Variants in ODAD2 observed in about 807,000 individuals in gnomAD.
The protein encoded by ODAD2 is outer dynein arm docking complex subunit 2.
In ODAD2, 89 loss-of-function variants were observed where a neutral mutation model predicts 106.8. The ratio of observed to expected loss-of-function variants is 0.83; its 90% CI spans 0.70 to 0.99. The LOEUF is 0.99. Ranked by LOEUF, ODAD2 falls within the 50% of genes least tolerant of loss-of-function variation. ODAD2 has a pLI of 0.00. For missense variants in ODAD2, 1,168 were observed against 1,238.5 expected, an observed-to-expected ratio of 0.94 and a Z score of 0.85; for synonymous variants, 404 against 436.2, an observed-to-expected ratio of 0.93 and a Z score of 0.92.
chr10:27,888,371 G>A (rs73604095), intron 17 of ODAD2, among the ~76,000 whole-genome samples: 2,133 of 152,206 alleles, frequency 0.014, 43 homozygotes, highest in African/African-American at 0.05. Context: ...CCTGAATGGA[G>A]TAAGATGATA....
chr10:27,839,709 C>G (rs1348658286), intron 19 of ODAD2, among the ~76,000 whole-genome samples: 1 of 152,192 alleles, frequency 6.6e-6, no homozygotes, highest in Non-Finnish European at 1.5e-5. Context: ...ACAGATATAA[C>G]ATATAAAGAT....
intron 19 of ODAD2, among the ~76,000 whole-genome samples, chr10:27,817,517 G>A (rs1313729389): frequency 2.0e-5 from 3 of 151,976 alleles, no homozygotes; most frequent in Non-Finnish European, 4.4e-5. Context: ...CCCATCTTTT[G>A]GGGTCTCCAA....
At chr10:27,979,434 A>C (rs1849403557) in intron 7 of ODAD2, among the ~76,000 whole-genome samples, 1 of 133,730 alleles carries the variant, frequency 7.5e-6, no homozygotes, top group African/African-American at 3.0e-5. Flanking sequence ...AAGAATACAC[A>C]CACACACCCA....
At chr10:27,949,691 C>T (rs767014342) in intron 10 of ODAD2, among the ~76,000 whole-genome samples, 4 of 152,048 alleles carry the variant, frequency 2.6e-5, no homozygotes, top group Non-Finnish European at 4.4e-5. Flanking sequence ...TCAAGATTGG[C>T]CAATGTAATT....
intron 17 of ODAD2, among the ~76,000 whole-genome samples, chr10:27,899,851 C>T (rs1843081097): frequency 6.6e-6 from 1 of 152,176 alleles, no homozygotes; most frequent in Non-Finnish European, 1.5e-5. Flanking sequence ...CTCCCTGGGA[C>T]AGAACACCTG....
intron 7 of ODAD2, among the ~76,000 whole-genome samples, chr10:27,979,942 AC>A (rs1176292970): frequency 6.6e-6 from 1 of 152,218 alleles, no homozygotes; most frequent in Non-Finnish European, 1.5e-5. Context: ...TGGAGGACTC[AC>A]ACTTCCTTAT....
Position 27,996,494 on chromosome 10 carries a change from G to A in ODAD2, c.-38-1314C>T, listed in dbSNP as rs560672904. 2.1e-3 allele frequency among the ~76,000 whole-genome samples: 322 copies of A among 152,256 alleles called. 2 individuals are homozygous for A. Among genetic ancestry groups the A allele is most frequent in the African/African-American group, 7.4e-3 (309 of 41,554 alleles). ...GCCTTTAGTGTTGAGGACCGACAATGTAAAATATCCTGTGCAGGATAGTAC... is the reference window on the plus strand; with the variant it reads ...GCCTTTAGTGTTGAGGACCGACAATATAAAATATCCTGTGCAGGATAGTAC... On this transcript the variant is annotated intron_variant, in intron 1 of 19. Transcript: ENST00000305242.
At chr10:27,949,820 A>T (rs1847202364) in intron 10 of ODAD2, among the ~76,000 whole-genome samples, 1 of 152,186 alleles carries the variant, frequency 6.6e-6, no homozygotes, top group Non-Finnish European at 1.5e-5. Flanking sequence ...AGTAACTTGG[A>T]GTAGGAGGGG....
intron 17 of ODAD2, among the ~76,000 whole-genome samples, chr10:27,867,960 A>T (rs1216892774): frequency 6.6e-6 from 1 of 152,094 alleles, no homozygotes; most frequent in Non-Finnish European, 1.5e-5. Context: ...AAAAGAAAAA[A>T]AAAAAGCAGT....
At chr10:27,994,772 C>T (rs1266916310) in intron 2 of ODAD2, 147 bp downstream of exon 2, 2 of 802,990 alleles carry the variant, frequency 2.5e-6, no homozygotes, top group East Asian at 5.4e-5. Context: ...CCTCAGACTT[C>T]ACCTGTGTGT....
intron 19 of ODAD2, among the ~76,000 whole-genome samples, chr10:27,834,244 T>A (rs1185439407): frequency 6.6e-6 from 1 of 152,158 alleles, no homozygotes; most frequent in Non-Finnish European, 1.5e-5. Flanking sequence ...GGCGTAACAT[T>A]ATACGTGCAT....
intron 3 of ODAD2, among the ~76,000 whole-genome samples, chr10:27,985,593 G>C (rs140055061): frequency 7.1e-4 from 108 of 152,212 alleles, no homozygotes; most frequent in Non-Finnish European, 1.2e-3. Context: ...ATCATCACTA[G>C]AACTATATGT....
At chr10:27,910,085 C>T (rs1843892738) in intron 16 of ODAD2, among the ~76,000 whole-genome samples, 1 of 151,812 alleles carries the variant, frequency 6.6e-6, no homozygotes, top group Admixed American at 6.6e-5. Context: ...CATTTCATAT[C>T]AGGATCGTTG....
At chr10:27,844,233 T>A (rs1212331423) in intron 19 of ODAD2, among the ~76,000 whole-genome samples, 1 of 152,140 alleles carries the variant, frequency 6.6e-6, no homozygotes, top group East Asian at 1.9e-4. Context: ...ATTAAGAATA[T>A]ATACCAGCTG....
chr10:27,929,916 T>G (rs562139134), intron 16 of ODAD2, among the ~76,000 whole-genome samples: 10 of 152,148 alleles, frequency 6.6e-5, no homozygotes, highest in Non-Finnish European at 1.5e-4. Flanking sequence ...TGGGGTCTTT[T>G]TGAGATAAAG....
chr10:27,873,780 G>A (rs1841097172), intron 17 of ODAD2, among the ~76,000 whole-genome samples: 1 of 152,172 alleles, frequency 6.6e-6, no homozygotes. Flanking sequence ...TTCCAACTAT[G>A]TGGTCAATTT....
chr10:27,971,174 C>A lies in ODAD2; in HGVS notation c.1076G>T (p.Trp359Leu). ...CCATCTCTTGGTCATTTGATTCCTC[C>A]AAAAATTAATTTGGTTCTTCTCCAG... ...RSLEKNQINF[W>L]RNQMTKRWEP... The change falls in exon 8 of 20, where the codon TGG (tryptophan) becomes TTG (leucine). Residue 359 changes from tryptophan (W) to leucine (L), a missense_variant. This residue lies in a region of ODAD2 where 430 missense variants were observed against 452.2 expected (regional missense o/e 0.95). Transcript: ENST00000305242. 1.2e-6 allele frequency: 2 copies of A among 1,613,884 alleles called. No individual in the cohort carries two copies. Among genetic ancestry groups the A allele is most frequent in the Non-Finnish European group, 1.7e-6 (2 of 1,179,904 alleles).
chr10:27,816,440 C>T (rs1023005367), intron 19 of ODAD2, among the ~76,000 whole-genome samples: 1 of 152,080 alleles, frequency 6.6e-6, no homozygotes, highest in African/African-American at 2.4e-5. Flanking sequence ...ATATCCTAGG[C>T]ATAACACAGA....
intron 7 of ODAD2, among the ~76,000 whole-genome samples, chr10:27,979,064 G>A (rs865975523): frequency 1.4e-4 from 21 of 151,866 alleles, no homozygotes; most frequent in Middle Eastern, 6.8e-3. Context: ...CTAAAAATTC[G>A]CAGAGCATGG....
Sources: gnomAD v4.1 joint callset for allele counts (sites outside exome capture counted in the v4.1 genomes callset) on GRCh38, gnomAD v4.1.1 for gene constraint, gnomAD v4.1.1 regional missense constraint, MANE v1.5 for transcripts, NCBI Gene and HGNC (gene_info 2026-07-23, HGNC 2026-07-21) for gene names.